The following NT5C1B variants were observed in gnomAD, a reference collection of about 807,000 sequenced individuals.
NT5C1B encodes cytosolic 5'-nucleotidase 1B.
Under a neutral mutation model 57.8 loss-of-function variants are expected in NT5C1B, and 44 were observed. The ratio of observed to expected loss-of-function variants is 0.76; its 90% confidence interval spans 0.60 to 0.98. NT5C1B has a LOEUF of 0.98. Among genes scored for constraint, NT5C1B ranks in the 50% least tolerant of loss-of-function variants. The pLI, the probability that NT5C1B is intolerant of heterozygous loss-of-function variation, is 0.00. For synonymous variants in NT5C1B, 284 were observed against 282.6 expected, an observed-to-expected ratio of 1.00 and a Z score of -0.05; for missense variants, 742 against 719.5, an observed-to-expected ratio of 1.03 and a Z score of -0.36.
At chr2:18,589,233 C>T (rs141234808) in intron 1 of NT5C1B, among the ~76,000 whole-genome samples, 95 of 152,282 alleles carry the variant, frequency 6.2e-4, no homozygotes, top group Middle Eastern at 3.4e-3. Context: ...TCTTTCTTTG[C>T]TGTCTTAATT....
chr2:18,564,909 A>G (rs186548192), intron 8 of NT5C1B, among the ~76,000 whole-genome samples: 125 of 152,290 alleles, frequency 8.2e-4, no homozygotes, highest in Non-Finnish European at 7.4e-4. Flanking sequence ...CTTTACAACT[A>G]TAACCTTTTA....
chr2:18,582,123 A>G (rs75860720), intron 6 of NT5C1B, among the ~76,000 whole-genome samples: 1 of 152,350 alleles, frequency 6.6e-6, no homozygotes, highest in African/African-American at 2.4e-5. Context: ...ACTTCATAAC[A>G]CTATGAAGAC....
rs1311789978 is a variant in NT5C1B, at chr2:18,574,488, C to T, written c.1329+1696G>A. Among the ~76,000 whole-genome samples the T allele has an allele frequency of 4.6e-5, 7 of 151,928 alleles. No homozygotes were observed. The East Asian group carries it at 1.3e-3, about 29-fold the overall frequency. On this transcript the variant is annotated intron_variant, in intron 8 of 8. Coordinates refer to ENST00000304081, the Ensembl canonical transcript of NT5C1B. The stretch of plus-strand genomic sequence containing the variant: ...AGTAATCCCACTGTTGAGTATATAT[C>T]CAAAAGAAATGAAAGCAGGATCTGA...
chr2:18,563,787 T>C, exon 9 of NT5C1B: 1 of 1,526,056 alleles, frequency 6.6e-7, no homozygotes, highest in African/African-American at 1.4e-5. Flanking sequence ...TTATTTCTCC[T>C]CCCTGCCCCT....
chr2:18,583,650 T>C, intron 5 of NT5C1B: 1 of 357,392 alleles, frequency 2.8e-6, no homozygotes, highest in Middle Eastern at 1.0e-3. Flanking sequence ...AACCTTACCT[T>C]CTCTATTAAA....
Position 18,584,378 on chromosome 2 carries a change from A to G in NT5C1B, c.724-123T>C, listed in dbSNP as rs1666475714. On this transcript the variant is annotated intron_variant, in intron 4 of 8. Transcript: ENST00000304081. This position sits in a 1 kb window ranked among gnomAD's most constrained non-coding sequence, Gnocchi z 5.8. ...CCTGCTTGGAGAAGCGGGATGCTGG[A>G]GACAGCTGAGGCTGGGACTCCCCGA... 6.5e-7 allele frequency: 1 copy of G among 1,534,634 alleles called. No homozygotes were observed. The highest frequency in any genetic ancestry group is 1.9e-5 in the Admixed American group (1 of 51,874).
intron 8 of NT5C1B, among the ~76,000 whole-genome samples, chr2:18,571,721 TATATATATATATATATATATA>T (rs1426663916): frequency 1.4e-3 from 3 of 2,166 alleles, no homozygotes; most frequent in Non-Finnish European, 3.6e-3. Flanking sequence ...TGTGTGTGTA[TATATATATATATATATATATA>T]TATATATATA....
At position 18,584,849 on chromosome 2, in the gene NT5C1B, CCAGCGACCGGGGCAG is replaced by C. The variant is rs781333218; in HGVS notation, c.373_387del (p.Leu125_Leu129del). 10 of 1,608,340 alleles carry C rather than the reference CCAGCGACCGGGGCAG, an allele frequency of 6.2e-6. No homozygotes were observed. In the South Asian group the frequency reaches 1.1e-4, roughly 18 times the overall value. On this transcript the variant is annotated inframe_deletion, in exon 4 of 9. Coordinates refer to ENST00000304081, the Ensembl canonical transcript of NT5C1B. This position sits in a 1 kb window ranked among gnomAD's most constrained non-coding sequence, Gnocchi z 5.8. ...TCTGGGGGCGTGGGAGGCCGCGAGT[CCAGCGACCGGGGCAG>C]CTGGGGCGACGCGGGTGGCTGGAGC...
At chr2:18,569,763 G>A (rs1664985127) in intron 8 of NT5C1B, among the ~76,000 whole-genome samples, 1 of 152,022 alleles carries the variant, frequency 6.6e-6, no homozygotes, top group Non-Finnish European at 1.5e-5. Context: ...TATATTTGGA[G>A]ATTTCAACAT....
At chr2:18,583,115 G>A in intron 5 of NT5C1B, 118 bp from the exon 6 acceptor site, 1 of 1,349,900 alleles carries the variant, frequency 7.4e-7, no homozygotes, top group Non-Finnish European at 9.8e-7. Context: ...TTCACTGAGA[G>A]ATTCTGGCTC....
At chr2:18,574,854 A>T (rs1292158619) in intron 8 of NT5C1B, among the ~76,000 whole-genome samples, 1 of 152,072 alleles carries the variant, frequency 6.6e-6, no homozygotes, top group Non-Finnish European at 1.5e-5. Flanking sequence ...AAAGACAAGG[A>T]GAGTGCTGGA....
At chr2:18,571,359 G>A (rs1291390519) in intron 8 of NT5C1B, among the ~76,000 whole-genome samples, 1 of 152,060 alleles carries the variant, frequency 6.6e-6, no homozygotes, top group Non-Finnish European at 1.5e-5. Context: ...GTGATTCTAT[G>A]TATTAGCAAT....
intron 1 of NT5C1B, 143 bp from the exon 2 acceptor site, chr2:18,587,735 C>T: frequency 1.2e-6 from 1 of 822,894 alleles, no homozygotes. Flanking sequence ...CCTTAGTTTC[C>T]CCTGTTCTAA....
At chr2:18,586,972 C>G in intron 2 of NT5C1B, 1 of 1,614,066 alleles carries the variant, frequency 6.2e-7, no homozygotes, top group Admixed American at 1.7e-5. Context: ...CCTCCAGAAT[C>G]GGTAGTGTGA....
chr2:18,567,244 G>A (rs995419917), intron 8 of NT5C1B, among the ~76,000 whole-genome samples: 13 of 152,148 alleles, frequency 8.5e-5, no homozygotes, highest in Admixed American at 7.9e-4. Context: ...ACTCCCCCTA[G>A]TTGCTTATAC....
Position 18,584,602 on chromosome 2 carries a change from C to G in NT5C1B, c.635G>C (p.Arg212Pro). Residue 212 changes from arginine (R) to proline (P), a missense_variant, in exon 4 of 9, where the codon CGG becomes CCG. Arg to Pro is a moderately radical substitution (Grantham distance 103, BLOSUM62 -2). Transcript: ENST00000304081. This position sits in a 1 kb window ranked among gnomAD's most constrained non-coding sequence, Gnocchi z 5.8. ...AGCCTCGTAGTCGTCCTCGTCCTCC[C>G]GCTGCTGCTGCTGCTGCTCGGACAG... 5 of 1,611,900 alleles carry G rather than the reference C, an allele frequency of 3.1e-6. No homozygotes were observed. The highest frequency in any genetic ancestry group is 4.2e-6 in the Non-Finnish European group (5 of 1,179,004).
At chr2:18,565,973 G>T (rs955694051) in intron 8 of NT5C1B, among the ~76,000 whole-genome samples, 4 of 152,110 alleles carry the variant, frequency 2.6e-5, no homozygotes, top group Admixed American at 6.5e-5. Context: ...AGGGACGAAA[G>T]ATTTACAGCA....
At chr2:18,564,375 T>C (rs145263183) in intron 8 of NT5C1B, among the ~76,000 whole-genome samples, 173 of 152,320 alleles carry the variant, frequency 1.1e-3, no homozygotes, top group African/African-American at 3.8e-3. Flanking sequence ...CTATATACTT[T>C]AGGTATGAAA....
At chr2:18,563,900 T>A (rs1664399487) in exon 9 of NT5C1B, 1 of 1,614,168 alleles carries the variant, frequency 6.2e-7, no homozygotes, top group African/African-American at 1.3e-5. Context: ...TGGGGCCGGA[T>A]CTTCACCAAG....
Sources: gnomAD v4.1 joint callset for allele counts (sites outside exome capture counted in the v4.1 genomes callset) on GRCh38, gnomAD v4.1.1 for gene constraint, Gnocchi (gnomAD v3.1) non-coding constraint, MANE v1.5 for transcripts, NCBI Gene and HGNC (gene_info 2026-07-23, HGNC 2026-07-21) for gene names.